Variants in RBFOX1 observed in about 807,000 individuals in gnomAD.
The protein encoded by RBFOX1 is RNA binding protein fox-1 homolog 1.
Under a neutral mutation model 57.7 loss-of-function variants are expected in RBFOX1, and 8 were observed. The ratio of observed to expected loss-of-function variants is 0.14; its 90% confidence interval spans 0.08 to 0.25. RBFOX1 has a LOEUF of 0.25. RBFOX1 is among the 10% of genes least tolerant of loss of function. The probability of loss-of-function intolerance (pLI) is 1.00; values close to 1 mark genes in which losing one functional copy is unlikely to be tolerated. For synonymous variants in RBFOX1, 326 were observed against 222.4 expected (o/e 1.47, Z -4.15); for missense variants, 611 against 548.5 (o/e 1.11, Z -1.14).
At chr16:6,012,202 C>T (rs561367773) in intron 4 of RBFOX1, among the ~76,000 whole-genome samples, 1 of 152,192 alleles carries the variant, frequency 6.6e-6, no homozygotes, top group Middle Eastern at 3.2e-3. Flanking sequence ...TTTCTCTAGA[C>T]CTCATCTGTA....
At chr16:6,772,886 G>C (rs921541757) in intron 3 of RBFOX1, among the ~76,000 whole-genome samples, 6 of 148,810 alleles carry the variant, frequency 4.0e-5, no homozygotes, top group African/African-American at 1.5e-4. Context: ...GTGGGCGTGG[G>C]GTGCATTTGT....
At chr16:7,387,806 C>T (rs1053905976) in intron 4 of RBFOX1, among the ~76,000 whole-genome samples, 4 of 152,090 alleles carry the variant, frequency 2.6e-5, no homozygotes, top group Non-Finnish European at 5.9e-5. Context: ...AAGCTCCGTA[C>T]GTGTAGGGCT....
At chr16:6,030,692 T>G (rs1028517545) in intron 1 of RBFOX1, among the ~76,000 whole-genome samples, 6 of 152,224 alleles carry the variant, frequency 3.9e-5, no homozygotes, top group Admixed American at 3.9e-4. Context: ...TATAGTGCAG[T>G]GCTTGGTATC....
At chr16:6,286,360 G>A (rs904452586) in intron 1 of RBFOX1, among the ~76,000 whole-genome samples, 4 of 139,668 alleles carry the variant, frequency 2.9e-5, no homozygotes, top group African/African-American at 1.3e-4. Context: ...TCAGATGTGT[G>A]AGAACTTTTA....
intron 2 of RBFOX1, among the ~76,000 whole-genome samples, chr16:6,392,199 A>G (rs895986891): frequency 6.6e-6 from 1 of 152,214 alleles, no homozygotes; most frequent in Non-Finnish European, 1.5e-5. Flanking sequence ...TTCGTGGCCC[A>G]ACGTAGCCTT....
chr16:7,056,548 C>A (rs1032253942), intron 4 of RBFOX1, among the ~76,000 whole-genome samples: 4 of 152,094 alleles, frequency 2.6e-5, no homozygotes, highest in African/African-American at 9.7e-5. Context: ...GCATCTGCAC[C>A]AACAGATGGA....
intron 1 of RBFOX1, among the ~76,000 whole-genome samples, chr16:6,068,474 G>T (rs2095795276): frequency 6.6e-6 from 1 of 152,092 alleles, no homozygotes; most frequent in Non-Finnish European, 1.5e-5. Context: ...AATAATGAAG[G>T]AATTCTTAAT....
rs191881386 is a variant in RBFOX1, at chr16:6,357,403, C to A, written c.-64+40346C>A. Reference sequence around the variant, plus strand: ...CTCCCCATTCAATTTTCCTTATTCCCCGGACTCCTCAGAAACACCCAGCTT... The same window carrying A: ...CTCCCCATTCAATTTTCCTTATTCCACGGACTCCTCAGAAACACCCAGCTT... On this transcript the variant is annotated intron_variant, in intron 2 of 15. Coordinates refer to ENST00000550418, the MANE Select transcript of RBFOX1 (RefSeq NM_018723.4). 1.4e-4 allele frequency among the ~76,000 whole-genome samples: 21 copies of A among 152,122 alleles called. 1 individual carries two copies. The highest frequency in any genetic ancestry group is 1.4e-3 in the Admixed American group (21 of 15,284).
chr16:6,216,117 C>T (rs1462718744), intron 1 of RBFOX1, among the ~76,000 whole-genome samples: 7 of 151,960 alleles, frequency 4.6e-5, no homozygotes, highest in Admixed American at 1.3e-4. Context: ...TAACGCACAC[C>T]GGGGCCTTTT....
intron 4 of RBFOX1, among the ~76,000 whole-genome samples, chr16:7,289,401 TACC>T (rs1258631629): frequency 6.6e-6 from 1 of 151,866 alleles, no homozygotes; most frequent in Non-Finnish European, 1.5e-5. Context: ...ATACCAACAT[TACC>T]ACCACCATTA....
At chr16:6,012,852 A>T in intron 4 of RBFOX1, among the ~76,000 whole-genome samples, 1 of 152,180 alleles carries the variant, frequency 6.6e-6, no homozygotes, top group East Asian at 1.9e-4. Flanking sequence ...TAAAGAAAAA[A>T]ATGTATTTTC....
intron 3 of RBFOX1, among the ~76,000 whole-genome samples, chr16:7,029,071 T>TACAC (rs1568439307): frequency 3.9e-5 from 1 of 25,554 alleles, no homozygotes; most frequent in South Asian, 1.8e-3. Context: ...TATATATATA[T>TACAC]ATATATATAT....
chr16:5,997,678 A>C (rs1235889276), intron 4 of RBFOX1, among the ~76,000 whole-genome samples: 1 of 152,188 alleles, frequency 6.6e-6, no homozygotes, highest in Non-Finnish European at 1.5e-5. Flanking sequence ...TAAAGTTGGA[A>C]GAGGAATGGT....
chr16:6,433,925 G>A (rs28480027), intron 2 of RBFOX1, among the ~76,000 whole-genome samples: 34,312 of 146,404 alleles, frequency 0.23, 4,151 homozygotes, highest in East Asian at 0.32. Context: ...TCTGCTCACC[G>A]TAACCTCCAC....
chr16:7,019,012 C>T (rs918822155), intron 3 of RBFOX1, among the ~76,000 whole-genome samples: 3 of 151,942 alleles, frequency 2.0e-5, no homozygotes, highest in East Asian at 1.9e-4. Flanking sequence ...AAAAAGAAAG[C>T]GTTCTTGTTC....
chr16:5,824,279 AC>A (rs2055958952), intron 3 of RBFOX1, among the ~76,000 whole-genome samples: 1 of 152,180 alleles, frequency 6.6e-6, no homozygotes, highest in Non-Finnish European at 1.5e-5. Flanking sequence ...CACCATGATG[AC>A]AGCTGAGTGG....
At position 6,851,126 on chromosome 16, in the gene RBFOX1, A is replaced by G. The variant is rs1180207913; in HGVS notation, c.-16+196476A>G. Among the ~76,000 whole-genome samples the G allele has an allele frequency of 2.0e-5, 3 of 152,210 alleles. No homozygotes were observed. In the East Asian group the frequency reaches 5.8e-4, roughly 29 times the overall value. On this transcript the variant is annotated intron_variant, in intron 3 of 15. Coordinates refer to ENST00000550418, the MANE Select transcript of RBFOX1 (RefSeq NM_018723.4). ...TTCACTCCCTTGTGGTGAGTGGAAA[A>G]AAAGCCCATTTCTAAATCATTTTGT...
chr16:7,200,456 A>G (rs955479005), intron 4 of RBFOX1, among the ~76,000 whole-genome samples: 1 of 152,192 alleles, frequency 6.6e-6, no homozygotes, highest in South Asian at 2.1e-4. Flanking sequence ...ACCTCTATTT[A>G]TGGTGTGCCT....
At chr16:5,781,262 A>T (rs1002696370) in intron 3 of RBFOX1, among the ~76,000 whole-genome samples, 1 of 152,156 alleles carries the variant, frequency 6.6e-6, no homozygotes, top group Non-Finnish European at 1.5e-5. Context: ...GGGAAATGGA[A>T]TTGTACAGTT....
Sources: gnomAD v4.1 joint callset for allele counts (sites outside exome capture counted in the v4.1 genomes callset) on GRCh38, gnomAD v4.1.1 for gene constraint, MANE v1.5 for transcripts, NCBI Gene and HGNC (gene_info 2026-07-23, HGNC 2026-07-21) for gene names.